GNAQ: variants seen among roughly 807,000 people sequenced by gnomAD.
GNAQ encodes the protein guanine nucleotide-binding protein G(q) subunit alpha.
Under a neutral mutation model 43.9 loss-of-function variants are expected in GNAQ, and 8 were observed. The ratio of observed to expected loss-of-function variants is 0.18; its 90% CI spans 0.11 to 0.33. The LOEUF is 0.33. GNAQ is among the 10% of genes least tolerant of loss of function. The pLI, the probability that GNAQ is intolerant of heterozygous loss-of-function variation, is 1.00. For synonymous variants in GNAQ, 155 were observed against 170.7 expected, an observed-to-expected ratio of 0.91 and a Z score of 0.71; for missense variants, 158 against 450.8, an observed-to-expected ratio of 0.35 and a Z score of 5.88.
At chr9:77,965,221 C>T (rs1823151708) in intron 1 of GNAQ, among the ~76,000 whole-genome samples, 3 of 152,072 alleles carry the variant, frequency 2.0e-5, no homozygotes, top group African/African-American at 7.2e-5. Context: ...AATCAACACC[C>T]ATAATTATAT....
intron 3 of GNAQ, among the ~76,000 whole-genome samples, chr9:77,805,404 CT>C (rs1226101386): frequency 1.3e-5 from 2 of 151,876 alleles, no homozygotes; most frequent in African/African-American, 2.4e-5. Flanking sequence ...AAGAAGCTTA[CT>C]TTTTTTCTTT....
chr9:77,999,660 C>T (rs1406092519), intron 1 of GNAQ, among the ~76,000 whole-genome samples: 1 of 152,190 alleles, frequency 6.6e-6, no homozygotes, highest in African/African-American at 2.4e-5. Context: ...TTTCAACAAA[C>T]ATTTACTGAC....
At chr9:77,827,782 G>A (rs1161305688) in intron 2 of GNAQ, among the ~76,000 whole-genome samples, 1 of 151,928 alleles carries the variant, frequency 6.6e-6, no homozygotes, top group African/African-American at 2.4e-5. Flanking sequence ...AATCTTTCTA[G>A]AGCATCAACA....
intron 1 of GNAQ, among the ~76,000 whole-genome samples, chr9:78,029,001 C>T (rs1346903297): frequency 6.6e-6 from 1 of 152,198 alleles, no homozygotes; most frequent in African/African-American, 2.4e-5. Context: ...TCCACACTAC[C>T]ACCACTTTAG....
chr9:77,992,305 G>C (rs577100046), intron 1 of GNAQ, among the ~76,000 whole-genome samples: 2 of 152,042 alleles, frequency 1.3e-5, no homozygotes, highest in African/African-American at 4.8e-5. Flanking sequence ...CTTAATTTCC[G>C]TAACAGAAAA....
chr9:77,988,874 T>C (rs764749844), intron 1 of GNAQ, among the ~76,000 whole-genome samples: 13 of 152,218 alleles, frequency 8.5e-5, no homozygotes, highest in Non-Finnish European at 1.2e-4. Flanking sequence ...TCATATTTCA[T>C]CAGACTATTA....
chr9:77,865,770 C>T (rs2118002267), intron 2 of GNAQ, among the ~76,000 whole-genome samples: 1 of 152,306 alleles, frequency 6.6e-6, no homozygotes, highest in Non-Finnish European at 1.5e-5. Context: ...AAAATCACTC[C>T]ATCTCTCGTG....
In GNAQ at chr9:78,031,396, G is replaced by A; in HGVS notation, c.-161C>T. ...CTCCGGGAACCGCCGCGGGGGCGGC[G>A]GCCAGGGCCGGGGCCACCAGGTGGG... On this transcript the variant is annotated 5_prime_UTR_variant, in exon 1 of 7. Transcript: ENST00000286548. 2 of 307,390 alleles carry A rather than the reference G, an allele frequency of 6.5e-6. No individual in the cohort carries two copies. Among genetic ancestry groups the A allele is most frequent in the Non-Finnish European group, 5.5e-6 (1 of 181,020 alleles). The allele number at this position is 307,390 out of a possible 1,614,324, so 19.0% of individuals were successfully genotyped here. A position where few individuals can be genotyped will look rare whatever the true frequency, so the allele number is the denominator to read the frequency against.
At chr9:77,886,222 C>T (rs1053618564) in intron 2 of GNAQ, among the ~76,000 whole-genome samples, 1 of 152,198 alleles carries the variant, frequency 6.6e-6, no homozygotes, top group African/African-American at 2.4e-5. Flanking sequence ...CAGCCTCAGC[C>T]TCCCAAAGTT....
intron 2 of GNAQ, among the ~76,000 whole-genome samples, chr9:77,847,097 T>C (rs1349097367): frequency 5.3e-5 from 8 of 152,174 alleles, no homozygotes; most frequent in Non-Finnish European, 1.2e-4. Context: ...TAGGATAATC[T>C]TTCCCTGAGC....
intron 2 of GNAQ, among the ~76,000 whole-genome samples, chr9:77,839,939 CTTCTGAGAG>C (rs372747064): frequency 6.6e-6 from 1 of 152,304 alleles, no homozygotes; most frequent in African/African-American, 2.4e-5. Flanking sequence ...ACTTCTGAGA[CTTCTGAGAG>C]CCAAGTTGAA....
Position 77,797,966 on chromosome 9 carries a change from G to C in GNAQ, c.477-318C>G, listed in dbSNP as rs113278067. Among the ~76,000 whole-genome samples the C allele has an allele frequency of 5.9e-3, 900 of 152,358 alleles. 1 individual carries two copies. The highest frequency in any genetic ancestry group is 0.02 in the African/African-American group (840 of 41,584). ...TTTCCTATTCTCTACTTGTTTAGTA[G>C]GTTTGGTTGTCAAAGCAGGAGTTTA... On this transcript the variant is annotated intron_variant, in intron 3 of 6. Transcript: ENST00000286548.
At chr9:77,751,869 C>T (rs1459336392) in intron 5 of GNAQ, among the ~76,000 whole-genome samples, 1 of 152,154 alleles carries the variant, frequency 6.6e-6, no homozygotes, top group Non-Finnish European at 1.5e-5. Flanking sequence ...TATATTAATT[C>T]TAACTTCTAA....
At chr9:77,794,977 C>T (rs1201215215) in intron 4 of GNAQ, among the ~76,000 whole-genome samples, 2 of 151,994 alleles carry the variant, frequency 1.3e-5, no homozygotes, top group Non-Finnish European at 2.9e-5. Flanking sequence ...CCTATAAAAT[C>T]GGAAAAAAGA....
chr9:77,963,931 C>T (rs1823135445), intron 1 of GNAQ, among the ~76,000 whole-genome samples: 1 of 152,060 alleles, frequency 6.6e-6, no homozygotes, highest in African/African-American at 2.4e-5. Flanking sequence ...CATTTTTCTA[C>T]AGTTAATAAT....
intron 2 of GNAQ, among the ~76,000 whole-genome samples, chr9:77,844,710 T>A (rs1194719797): frequency 6.6e-6 from 1 of 152,170 alleles, no homozygotes; most frequent in Non-Finnish European, 1.5e-5. Context: ...TTCGCTCTTG[T>A]CACTGAGGCT....
chr9:78,009,202 C>T (rs1458313713), intron 1 of GNAQ, among the ~76,000 whole-genome samples: 1 of 152,204 alleles, frequency 6.6e-6, no homozygotes, highest in Admixed American at 6.5e-5. Context: ...CTCTCCTTAA[C>T]AATAATGGCT....
intron 1 of GNAQ, among the ~76,000 whole-genome samples, chr9:77,960,456 T>C (rs1462422996): frequency 6.6e-6 from 1 of 152,202 alleles, no homozygotes; most frequent in Non-Finnish European, 1.5e-5. Flanking sequence ...AGTTGCCCTG[T>C]TACCCCTGGC....
chr9:77,890,579 C>T (rs796730400), intron 2 of GNAQ, among the ~76,000 whole-genome samples: 13 of 152,132 alleles, frequency 8.5e-5, no homozygotes, highest in East Asian at 5.8e-4. Context: ...CAAAATTAGC[C>T]GGGCGTGGTG....
Sources: gnomAD v4.1 joint callset for allele counts (sites outside exome capture counted in the v4.1 genomes callset) on GRCh38, gnomAD v4.1.1 for gene constraint, MANE v1.5 for transcripts, NCBI Gene and HGNC (gene_info 2026-07-23, HGNC 2026-07-21) for gene names.